ANO9: variants seen among roughly 807,000 people sequenced by gnomAD.
The protein encoded by ANO9 is anoctamin-9.
In ANO9, 80 loss-of-function variants were observed where a neutral mutation model predicts 100.5. The ratio of observed to expected loss-of-function variants is 0.80; its 90% CI spans 0.66 to 0.96. ANO9 has a LOEUF of 0.96. ANO9 is among the 40% of genes least tolerant of loss of function. The pLI is 0.00. For missense variants in ANO9, 1,064 were observed against 1,072.7 expected, an observed-to-expected ratio of 0.99 and a Z score of 0.11; for synonymous variants, 473 against 435.6, an observed-to-expected ratio of 1.09 and a Z score of -1.07.
At chr11:433,289 C>T (rs568736501) in intron 4 of ANO9, 25 bp downstream of exon 4, 9 of 1,606,168 alleles carry the variant, frequency 5.6e-6, no homozygotes, top group Non-Finnish European at 7.6e-6. Context: ...TTCTCCTGGC[C>T]ACGGCTCTGG....
Position 418,711 on chromosome 11 carries a change from C to G in ANO9, c.2130+9G>C. 2 of 1,612,838 alleles carry G rather than the reference C, an allele frequency of 1.2e-6. No homozygotes were observed. Among genetic ancestry groups the G allele is most frequent in the Non-Finnish European group, 1.7e-6 (2 of 1,179,952 alleles). On this transcript the variant is annotated intron_variant, in intron 22 of 22. Coordinates refer to ENST00000332826, the MANE Select transcript of ANO9 (RefSeq NM_001012302.3). ...ACCCACTCCGAGGCCTCTCCCGGTT[C>G]TGGCTCACCTCAAAGAGGATGACGA...
At position 434,083 on chromosome 11, in the gene ANO9, G is replaced by T; in HGVS notation, c.22C>A (p.Arg8=). Residue 8 remains arginine (R), a synonymous_variant, in exon 2 of 23, where the codon CGG becomes AGG. Coordinates refer to ENST00000332826, the MANE Select transcript of ANO9 (RefSeq NM_001012302.3). MQGEESL[R]ILVEPEGDSF... is the part of the protein sequence containing the mutation. ...TCCCCTTCGGGCTCCACCAGGATCCGGAGGCTCTCTTCGCCCTGGGGGTTT... is the reference window on the plus strand; with the variant it reads ...TCCCCTTCGGGCTCCACCAGGATCCTGAGGCTCTCTTCGCCCTGGGGGTTT... The T allele has an allele frequency of 6.4e-7, 1 of 1,550,566 alleles. No homozygotes were observed.
chr11:421,083 G>C lies in ANO9; in HGVS notation c.1393-41C>G. ...GGAGGAGATCAGGGAGGGGTCCTGGGGGACGGTCAGGGGAGCAGTGGCTCA... is the reference window on the plus strand; with the variant it reads ...GGAGGAGATCAGGGAGGGGTCCTGGCGGACGGTCAGGGGAGCAGTGGCTCA... On this transcript the variant is annotated intron_variant, in intron 16 of 22. Transcript: ENST00000332826. The surrounding 1 kb of genome is among the most constrained non-coding windows in gnomAD (Gnocchi z 6.8). The C allele has an allele frequency of 1.3e-6, 2 of 1,585,130 alleles. No homozygotes were observed. The highest frequency in any genetic ancestry group is 1.7e-6 in the Non-Finnish European group (2 of 1,159,606).
At chr11:426,750 G>T (rs990439879) in intron 15 of ANO9, among the ~76,000 whole-genome samples, 8 of 152,030 alleles carry the variant, frequency 5.3e-5, no homozygotes, top group Admixed American at 3.9e-4. Flanking sequence ...TCGGGACTTG[G>T]GTACCCCTGG....
Position 441,888 on chromosome 11 carries a change from G to A in ANO9, c.6+33C>T, listed in dbSNP as rs764987558. On this transcript the variant is annotated intron_variant, in intron 1 of 22. Transcript: ENST00000332826. The stretch of plus-strand genomic sequence containing the variant: ...AGGTGTGGGCGTGGCTGGGGGCCTT[G>A]AAGGTGTGGACCCTTTTGAGCGCAG... 4 of 1,603,306 alleles carry A rather than the reference G, an allele frequency of 2.5e-6. No individual in the cohort carries two copies. The South Asian group carries it at 4.4e-5, about 18-fold the overall frequency.
At position 441,849 on chromosome 11, in the gene ANO9, G is replaced by T. The variant is rs552909997; in HGVS notation, c.6+72C>A. 10 of 1,562,950 alleles carry T rather than the reference G, an allele frequency of 6.4e-6. No homozygotes were observed. The East Asian group carries it at 1.8e-4, about 29-fold the overall frequency. ...TCCAGGTGGGGCTGGCGGGGGGCTG[G>T]GGCCGGGGGCCCCAGGTGTGGGCGT... On this transcript the variant is annotated intron_variant, in intron 1 of 22. Transcript: ENST00000332826.
chr11:431,650 G>A (rs778302917), intron 7 of ANO9, 44 bp downstream of exon 7: 3 of 1,604,600 alleles, frequency 1.9e-6, no homozygotes, highest in South Asian at 2.2e-5. Flanking sequence ...CGCAGGAGGC[G>A]GGGCCGTCCG....
In ANO9 at chr11:423,886, C is replaced by CACAT. The variant is rs1848341010; in HGVS notation, c.1335-2689_1335-2688insATGT. On this transcript the variant is annotated intron_variant, in intron 15 of 22. Coordinates refer to ENST00000332826, the MANE Select transcript of ANO9 (RefSeq NM_001012302.3). The stretch of plus-strand genomic sequence containing the variant: ...CTAAAGGAAATCACAGTTGAATACT[C>CACAT]ACACACACACACACACACACACACA... Among the ~76,000 whole-genome samples the CACAT allele has an allele frequency of 5.6e-4, 2 of 3,578 alleles. 1 individual carries two copies. The highest frequency in any genetic ancestry group is 0.083 in the South Asian group (2 of 24). 2.3% of individuals were successfully genotyped at this position (3,578 alleles called of 152,430 possible).
At chr11:429,713 C>T (rs1234939496) in intron 10 of ANO9, 45 bp downstream of exon 10, 4 of 1,612,054 alleles carry the variant, frequency 2.5e-6, no homozygotes, top group Admixed American at 3.3e-5. Flanking sequence ...GGAGCTTGGG[C>T]TGGCACTTCC....
At chr11:438,087 C>A (rs964571895) in intron 1 of ANO9, among the ~76,000 whole-genome samples, 2 of 152,040 alleles carry the variant, frequency 1.3e-5, no homozygotes, top group African/African-American at 4.8e-5. Flanking sequence ...GCACAGAAAC[C>A]CCCTCCCCAC....
chr11:430,235 C>A (rs771965622), intron 8 of ANO9, 34 bp downstream of exon 8: 5 of 1,552,072 alleles, frequency 3.2e-6, no homozygotes, highest in Non-Finnish European at 4.4e-6. Context: ...GGGCCCACCC[C>A]GGCCCCCCAT....
chr11:428,613 G>C lies in ANO9; in HGVS notation c.1047C>G (p.His349Gln). 6.2e-7 allele frequency: 1 copy of C among 1,612,226 alleles called. No homozygotes were observed. Among genetic ancestry groups the C allele is most frequent in the Non-Finnish European group, 8.5e-7 (1 of 1,179,670 alleles). The change falls in exon 13 of 23, where the codon CAC (histidine) becomes CAG (glutamine). Residue 349 changes from histidine (H) to glutamine (Q), a missense_variant. Transcript: ENST00000332826. ...LMICLMIGMAHVLVVYRVLAS... is the reference protein window; with the variant it reads ...LMICLMIGMAQVLVVYRVLAS... The stretch of plus-strand genomic sequence containing the variant: ...CCAGGACGCGGTAGACCACCAGGAC[G>C]TGGGCCATGCCGATCATGAGGCAGA...
chr11:439,833 CG>C (rs1845717611), intron 1 of ANO9, among the ~76,000 whole-genome samples: 1 of 152,208 alleles, frequency 6.6e-6, no homozygotes, highest in African/African-American at 2.4e-5. Flanking sequence ...GCCCACCCCC[CG>C]GCCCCTCCAG....
intron 1 of ANO9, chr11:440,445 T>A (rs944358459): frequency 3.3e-5 from 5 of 152,290 alleles, no homozygotes; most frequent in Admixed American, 3.3e-4. Flanking sequence ...GACTAGCAAG[T>A]CCTCCCCATG....
Position 432,206 on chromosome 11 carries a change from C to T in ANO9, c.351-152G>A. The T allele has an allele frequency of 1.2e-6, 1 of 815,312 alleles. No individual in the cohort carries two copies. The highest frequency in any genetic ancestry group is 1.7e-5 in the South Asian group (1 of 59,468). 50.5% of individuals were successfully genotyped at this position (815,312 alleles called of 1,614,324 possible). On this transcript the variant is annotated intron_variant, in intron 4 of 22. Coordinates refer to ENST00000332826, the MANE Select transcript of ANO9 (RefSeq NM_001012302.3). This position sits in a 1 kb window ranked among gnomAD's most constrained non-coding sequence, Gnocchi z 4.8. ...CCTGACCAGAGCCCAGAATCCACAACTCACCCGGGAGCCCACCCCGCACCC... is the reference window on the plus strand; with the variant it reads ...CCTGACCAGAGCCCAGAATCCACAATTCACCCGGGAGCCCACCCCGCACCC...
At position 419,602 on chromosome 11, in the gene ANO9, T is replaced by C. The variant is rs1428277346; in HGVS notation, c.1914A>G (p.Lys638=). The part of the protein sequence containing the change: ...VYKYRYSPCL[K]EGNSTVDCLK... ...CTTACTCGACAGTAGAGTTGCCTTC[T>C]TTCAGGCATGGGCTATAGCGGTACT... is the stretch of plus-strand genomic sequence containing the variant. The change falls in exon 20 of 23, where the codon AAA becomes AAG. Residue 638 remains lysine, a synonymous_variant. Transcript: ENST00000332826. The C allele has an allele frequency of 1.2e-6, 2 of 1,613,450 alleles. No individual in the cohort carries two copies. Among genetic ancestry groups the C allele is most frequent in the East Asian group, 2.2e-5 (1 of 44,872 alleles).
In ANO9 at chr11:428,365, A is replaced by C. The variant is rs1269781883; in HGVS notation, c.1215T>G (p.Cys405Trp). ...KINRCVALKL[C>W]DFEMPRTFSE... ...CTGGGGTAGTCCTCTCACCGAAGTC[A>C]CAAAGCTTCAGGGCCACGCACCTGT... is the stretch of plus-strand genomic sequence containing the variant. The change falls in exon 14 of 23, where the codon TGT becomes TGG. Residue 405 changes from cysteine (C) to tryptophan (W), a missense_variant. Cys to Trp is a radical substitution (Grantham distance 215). Transcript: ENST00000332826. 1 of 1,612,568 alleles carries C rather than the reference A, an allele frequency of 6.2e-7. No individual in the cohort carries two copies. Among genetic ancestry groups the C allele is most frequent in the South Asian group, 1.1e-5 (1 of 91,076 alleles).
intron 1 of ANO9, among the ~76,000 whole-genome samples, chr11:438,735 C>T (rs1332813072): frequency 6.6e-6 from 1 of 152,122 alleles, no homozygotes; most frequent in African/African-American, 2.4e-5. Flanking sequence ...TCCACACCAC[C>T]CTCGGGGTCT....
At position 428,749 on chromosome 11, in the gene ANO9, G is replaced by T. The variant is rs114920213; in HGVS notation, c.993C>A (p.Thr331=). 7 of 1,613,374 alleles carry T rather than the reference G, an allele frequency of 4.3e-6. No homozygotes were observed. The highest frequency in any genetic ancestry group is 1.7e-4 in the Middle Eastern group (1 of 6,060). The stretch of plus-strand genomic sequence containing the variant: ...TGAGCAGGGTCAGGACGAGGATGAC[G>T]GTGCTGCGTAGGTAGGAGTGCTGGT... ...RPYQHSYLRS[T]VILVLTLLMI... The change falls in exon 12 of 23, where the codon ACC becomes ACA. Residue 331 remains threonine (T), a synonymous_variant. Coordinates refer to ENST00000332826, the MANE Select transcript of ANO9 (RefSeq NM_001012302.3).
Sources: gnomAD v4.1 joint callset for allele counts (sites outside exome capture counted in the v4.1 genomes callset) on GRCh38, gnomAD v4.1.1 for gene constraint, Gnocchi (gnomAD v3.1) non-coding constraint, MANE v1.5 for transcripts, NCBI Gene and HGNC (gene_info 2026-07-23, HGNC 2026-07-21) for gene names.